PDE1C: variants seen among roughly 807,000 people sequenced by gnomAD.
PDE1C encodes dual specificity calcium/calmodulin-dependent 3',5'-cyclic nucleotide phosphodiesterase 1C.
A neutral mutation model predicts 93.1 loss-of-function variants in PDE1C; 62 were observed. That is an observed-to-expected ratio of 0.67 (90% CI 0.54 to 0.82). The LOEUF (loss-of-function observed/expected upper bound fraction) is 0.82, where lower values mean the gene tolerates loss of function less well. Among genes scored for constraint, PDE1C ranks in the 40% least tolerant of loss-of-function variants. The probability of loss-of-function intolerance (pLI) is 0.00; values close to 1 mark genes in which losing one functional copy is unlikely to be tolerated. For synonymous variants in PDE1C, 325 were observed against 310.1 expected, an observed-to-expected ratio of 1.05 and a Z score of -0.50; for missense variants, 742 against 884.6, an observed-to-expected ratio of 0.84 and a Z score of 2.04.
intron 1 of PDE1C, among the ~76,000 whole-genome samples, chr7:32,256,217 A>G (rs1435412637): frequency 2.0e-5 from 3 of 152,216 alleles, no homozygotes; most frequent in Non-Finnish European, 4.4e-5. Context: ...ACTTTAGCAA[A>G]CAGATGTCTC....
intron 3 of PDE1C, among the ~76,000 whole-genome samples, chr7:32,135,421 G>C (rs1800151310): frequency 6.6e-6 from 1 of 151,386 alleles, no homozygotes; most frequent in Non-Finnish European, 1.5e-5. Flanking sequence ...CAACTCAATA[G>C]CAAAAAAATG....
chr7:31,857,969 G>A (rs1794227753), intron 7 of PDE1C, among the ~76,000 whole-genome samples: 1 of 152,132 alleles, frequency 6.6e-6, no homozygotes, highest in Non-Finnish European at 1.5e-5. Context: ...TAAACAGGTT[G>A]AATAACTAGA....
At chr7:31,792,098 G>T (rs1784648935) in intron 16 of PDE1C, among the ~76,000 whole-genome samples, 1 of 151,996 alleles carries the variant, frequency 6.6e-6, no homozygotes, top group South Asian at 2.1e-4. Flanking sequence ...TCTATAGCTG[G>T]GTCTGTGACG....
intron 2 of PDE1C, among the ~76,000 whole-genome samples, chr7:32,050,746 T>C (rs907121995): frequency 5.9e-5 from 9 of 152,190 alleles, no homozygotes; most frequent in Non-Finnish European, 1.2e-4. Context: ...TCACAACCTG[T>C]ATGCATGCTC....
At chr7:31,901,609 T>A (rs1436350489) in intron 2 of PDE1C, among the ~76,000 whole-genome samples, 1 of 151,220 alleles carries the variant, frequency 6.6e-6, no homozygotes, top group Admixed American at 6.6e-5. Context: ...GAGAACTTAT[T>A]ATATAATTTA....
chr7:32,086,917 C>G (rs9769974), intron 3 of PDE1C, among the ~76,000 whole-genome samples: 82,609 of 148,304 alleles, frequency 0.56, 23,338 homozygotes, highest in South Asian at 0.66. Context: ...GAAAACCTAG[C>G]CATTACCATT....
upstream of PDE1C, among the ~76,000 whole-genome samples, chr7:32,074,568 C>T (rs1185735205): frequency 6.6e-6 from 1 of 152,168 alleles, no homozygotes; most frequent in Non-Finnish European, 1.5e-5. Flanking sequence ...CTTTGCTATA[C>T]CACCTCCCTG....
chr7:32,005,555 C>CAAAAAAAAAAAAAAAAAA (rs59246166), intron 2 of PDE1C, among the ~76,000 whole-genome samples: 1 of 50,762 alleles, frequency 2.0e-5, no homozygotes, highest in Non-Finnish European at 3.7e-5. Flanking sequence ...GACTCCATTT[C>CAAAAAAAAAAAAAAAAAA]AAAAAAAAAA....
At chr7:32,223,211 G>A (rs542775693) in intron 1 of PDE1C, among the ~76,000 whole-genome samples, 2 of 152,284 alleles carry the variant, frequency 1.3e-5, no homozygotes, top group Non-Finnish European at 2.9e-5. Context: ...TCTGCCAAAT[G>A]TATTCCCATT....
intron 16 of PDE1C, chr7:31,786,101 G>A (rs1783905978): frequency 6.6e-6 from 1 of 152,114 alleles, no homozygotes; most frequent in South Asian, 2.1e-4. Flanking sequence ...ATTATTGGTG[G>A]AGCAGAACTA....
chr7:31,917,906 T>C (rs1802130382), intron 2 of PDE1C, among the ~76,000 whole-genome samples: 1 of 152,212 alleles, frequency 6.6e-6, no homozygotes, highest in Non-Finnish European at 1.5e-5. Context: ...TTCAAATCAC[T>C]GCCCTGATTT....
At chr7:32,399,632 G>A (rs1191738974) in intron 1 of PDE1C, among the ~76,000 whole-genome samples, 2 of 144,856 alleles carry the variant, frequency 1.4e-5, no homozygotes, top group African/African-American at 5.1e-5. Context: ...GCCCAGACTG[G>A]AATGCAGTGG....
At chr7:31,634,709 G>A in the PDE1C span, among the ~76,000 whole-genome samples, 2 of 152,108 alleles carry the variant, frequency 1.3e-5, no homozygotes, top group Non-Finnish European at 2.9e-5. Context: ...ATTGTGCAGG[G>A]CTTGGTGGTG....
At chr7:31,931,832 C>G (rs796171520) in intron 2 of PDE1C, among the ~76,000 whole-genome samples, 18 of 152,280 alleles carry the variant, frequency 1.2e-4, no homozygotes, top group African/African-American at 4.3e-4. Context: ...TACCTGACTT[C>G]AAACTATACT....
intron 2 of PDE1C, among the ~76,000 whole-genome samples, chr7:31,939,006 A>G (rs780350004): frequency 6.6e-6 from 1 of 152,222 alleles, no homozygotes; most frequent in Non-Finnish European, 1.5e-5. Flanking sequence ...TAGGTATTGC[A>G]CAGGACAATT....
At chr7:31,617,541 T>C in the PDE1C span, among the ~76,000 whole-genome samples, 4 of 152,106 alleles carry the variant, frequency 2.6e-5, no homozygotes, top group African/African-American at 4.8e-5. Context: ...AGATAAGAGT[T>C]CAGACAAAAT....
At chr7:31,820,865 G>A (rs1226322431) in intron 14 of PDE1C, 1 of 151,256 alleles carries the variant, frequency 6.6e-6, no homozygotes, top group Non-Finnish European at 1.5e-5. Context: ...TACTACTTAG[G>A]TACCAACCTT....
chr7:31,855,146 G>A (rs1304869918), intron 7 of PDE1C, among the ~76,000 whole-genome samples: 1 of 152,012 alleles, frequency 6.6e-6, no homozygotes, highest in Non-Finnish European at 1.5e-5. Context: ...CAGTGTGGAT[G>A]GGTTCTCTGG....
intron 9 of PDE1C, 39 bp from the exon 10 acceptor site, chr7:31,838,010 A>G: frequency 7.5e-7 from 1 of 1,330,612 alleles, no homozygotes; most frequent in Non-Finnish European, 1.1e-6. Flanking sequence ...GATGGAAGTC[A>G]AAAATGGAAA....
Sources: allele counts gnomAD v4.1 joint callset (sites outside exome capture counted in the v4.1 genomes callset), GRCh38; gene constraint gnomAD v4.1.1; transcripts MANE v1.5; gene names NCBI Gene and HGNC (gene_info 2026-07-23, HGNC 2026-07-21).